The following BCO1 variants were observed in gnomAD, a reference collection of about 807,000 sequenced individuals.
BCO1 encodes the protein beta,beta-carotene 15,15'-dioxygenase.
Under a neutral mutation model 56.3 loss-of-function variants are expected in BCO1, and 54 were observed. That is an observed-to-expected ratio of 0.96 (90% CI 0.77 to 1.20). The LOEUF (loss-of-function observed/expected upper bound fraction) is 1.20, where lower values mean the gene tolerates loss of function less well. Ranked by LOEUF, BCO1 falls within the 50% of genes most tolerant of loss-of-function variation. The probability of loss-of-function intolerance (pLI) is 0.00; values close to 1 mark genes in which losing one functional copy is unlikely to be tolerated. For missense variants in BCO1, 801 were observed against 690.9 expected, an observed-to-expected ratio of 1.16 and a Z score of -1.79; for synonymous variants, 318 against 266.1, an observed-to-expected ratio of 1.20 and a Z score of -1.90.
chr16:81,252,456 A>C (rs1262048738), intron 2 of BCO1, among the ~76,000 whole-genome samples: 2 of 152,120 alleles, frequency 1.3e-5, no homozygotes, highest in Non-Finnish European at 2.9e-5. Flanking sequence ...GGGTTTCACC[A>C]TGTTGGTCAG....
rs372403660 is a variant in BCO1 at position 81,249,920 on chromosome 16, T to C, written c.193+4317T>C. 3.1e-4 allele frequency among the ~76,000 whole-genome samples: 47 copies of C among 152,296 alleles called. 1 individual carries two copies. The South Asian group carries it at 7.7e-3, about 25-fold the overall frequency. ...TGCCTGAATTGTGGTGTCTTCATCA[T>C]CTAGCATGGGGCCTGGCCCAGAGGG... On this transcript the variant is annotated intron_variant, in intron 2 of 10. Transcript: ENST00000258168.
intron 2 of BCO1, 43 bp from the exon 3 acceptor site, chr16:81,259,633 G>C (rs1284412845): frequency 6.2e-7 from 1 of 1,614,006 alleles, no homozygotes; most frequent in Non-Finnish European, 8.5e-7. Flanking sequence ...TTAAAGCCCT[G>C]TGAAGGCGTC....
Position 81,281,994 on chromosome 16 carries a change from A to C in BCO1, c.1207+1032A>C, listed in dbSNP as rs180813045. 2.5e-3 allele frequency among the ~76,000 whole-genome samples: 378 copies of C among 152,372 alleles called. 1 individual carries two copies. Among genetic ancestry groups the C allele is most frequent in the African/African-American group, 8.5e-3 (353 of 41,598 alleles). On this transcript the variant is annotated intron_variant, in intron 8 of 10. Transcript: ENST00000258168. ...AGCAGCACATGACACAAAGGCTGGC[A>C]TAGAGAGGTCTGTGTTCCATACGCC...
chr16:81,255,326 C>G (rs1370305953), intron 2 of BCO1, among the ~76,000 whole-genome samples: 1 of 152,152 alleles, frequency 6.6e-6, no homozygotes, highest in East Asian at 1.9e-4. Context: ...TGGCTTAACA[C>G]AAGCTGCTTA....
chr16:81,248,128 G>A (rs897722365), intron 2 of BCO1, among the ~76,000 whole-genome samples: 4 of 152,026 alleles, frequency 2.6e-5, no homozygotes, highest in Non-Finnish European at 5.9e-5. Flanking sequence ...CTGGCCAGTC[G>A]CGATGGCTCA....
chr16:81,287,507 G>C (rs916452514), intron 10 of BCO1, 101 bp downstream of exon 10: 4 of 896,792 alleles, frequency 4.5e-6, no homozygotes, highest in Admixed American at 1.9e-5. Context: ...AGGTCATAAA[G>C]GGGGTGGATT....
At position 81,270,157 on chromosome 16, in the gene BCO1, A is replaced by G; in HGVS notation, c.844-2A>G. The G allele has an allele frequency of 6.2e-7, 1 of 1,614,094 alleles. No individual in the cohort carries two copies. Among genetic ancestry groups the G allele is most frequent in the African/African-American group, 1.3e-5 (1 of 75,022 alleles). On this transcript the variant is annotated splice_acceptor_variant, in intron 6 of 10. Coordinates refer to ENST00000258168, the MANE Select transcript of BCO1 (RefSeq NM_017429.3). LOFTEE classifies it high-confidence loss of function. ...GAGCCCTTGATATGTGTCCTTTTTC[A>G]GACTTATATCCACATCATCGACCAA...
In BCO1 at chr16:81,264,631, A is replaced by G. The variant is rs375362122; in HGVS notation, c.472-9A>G. On this transcript the variant is annotated splice_polypyrimidine_tract_variant and intron_variant, in intron 4 of 10. Transcript: ENST00000258168. ...TACTTTAAAAAACAGGAGGTGTCAT[A>G]TCTTGCAGGTTGATTATCGTAAATA... 13 of 1,613,844 alleles carry G rather than the reference A, an allele frequency of 8.1e-6. No homozygotes were observed. Among genetic ancestry groups the G allele is most frequent in the Non-Finnish European group, 1.1e-5 (13 of 1,179,796 alleles).
At chr16:81,279,242 G>C (rs920846260) in intron 7 of BCO1, among the ~76,000 whole-genome samples, 10 of 152,268 alleles carry the variant, frequency 6.6e-5, no homozygotes, top group African/African-American at 2.4e-4. Flanking sequence ...TCACACTACT[G>C]TACTCCAGCC....
At chr16:81,254,013 C>T (rs1433500300) in intron 2 of BCO1, among the ~76,000 whole-genome samples, 1 of 152,068 alleles carries the variant, frequency 6.6e-6, no homozygotes, top group African/African-American at 2.4e-5. Context: ...AGTAACCACC[C>T]CTGAAAAGAT....
In BCO1 at chr16:81,245,581, C is replaced by A; in HGVS notation, c.171C>A (p.Leu57=). The A allele has an allele frequency of 6.2e-7, 1 of 1,614,190 alleles. No individual in the cohort carries two copies. Among genetic ancestry groups the A allele is most frequent in the Non-Finnish European group, 8.5e-7 (1 of 1,180,020 alleles). ...YNHWFDGLAL[L]HSFTIRDGEV... is the part of the protein sequence containing the mutation. The stretch of plus-strand genomic sequence containing the variant: ...ATTGGTTCGACGGCCTTGCCCTGCT[C>A]CACAGCTTCACCATCAGAGACGGTG... The change falls in exon 2 of 11, where the codon CTC becomes CTA. Residue 57 remains leucine (L), a synonymous_variant. Transcript: ENST00000258168.
At chr16:81,257,358 G>C (rs1042568973) in intron 2 of BCO1, among the ~76,000 whole-genome samples, 68 of 152,090 alleles carry the variant, frequency 4.5e-4, no homozygotes, top group African/African-American at 1.4e-3. Flanking sequence ...TCTGCCTCTT[G>C]GGTTCAGGCA....
intron 2 of BCO1, among the ~76,000 whole-genome samples, chr16:81,252,482 C>G (rs1402028645): frequency 6.6e-6 from 1 of 152,196 alleles, no homozygotes; most frequent in Non-Finnish European, 1.5e-5. Flanking sequence ...TCTTGAACTC[C>G]TGACCTCAGG....
chr16:81,266,025 C>T lies in BCO1; in HGVS notation c.619+1238C>T, dbSNP rs113474228. On this transcript the variant is annotated intron_variant, in intron 5 of 10. Transcript: ENST00000258168. ...TCCACCGATTCATGCATGCACCCAC[C>T]CACCCACCTATCGATTCATCCTTCC... 1.2e-3 allele frequency among the ~76,000 whole-genome samples: 186 copies of T among 151,854 alleles called. 1 individual carries two copies. The highest frequency in any genetic ancestry group is 4.2e-3 in the African/African-American group (175 of 41,564).
At chr16:81,257,107 ATATTGCAGTCAAATTCTACTCATCCTT>A (rs1906188165) in intron 2 of BCO1, among the ~76,000 whole-genome samples, 1 of 152,068 alleles carries the variant, frequency 6.6e-6, no homozygotes, top group Admixed American at 6.6e-5. Flanking sequence ...TCTCCCCAGC[ATATTGCAGTCAAATTCTACTCATCCTT>A]TAAGAGCTGT....
intron 2 of BCO1, among the ~76,000 whole-genome samples, chr16:81,250,236 C>T (rs757592718): frequency 2.0e-5 from 3 of 152,130 alleles, no homozygotes; most frequent in Admixed American, 6.6e-5. Flanking sequence ...CAGACATAGA[C>T]GCAATACTCT....
chr16:81,256,570 C>G (rs1050170112), intron 2 of BCO1, among the ~76,000 whole-genome samples: 2 of 152,144 alleles, frequency 1.3e-5, no homozygotes, highest in African/African-American at 4.8e-5. Flanking sequence ...AGGCCCCTCC[C>G]CGAGGTTTCA....
At chr16:81,269,937 T>C (rs896218104) in intron 6 of BCO1, among the ~76,000 whole-genome samples, 2 of 152,196 alleles carry the variant, frequency 1.3e-5, no homozygotes, top group African/African-American at 4.8e-5. Context: ...AAAGCATCCC[T>C]CCTCTCCATC....
intron 7 of BCO1, among the ~76,000 whole-genome samples, chr16:81,271,112 A>AT (rs778503897): frequency 0.062 from 6,914 of 111,174 alleles, 583 homozygotes; most frequent in African/African-American, 0.18. Flanking sequence ...CCTTTTATTT[A>AT]TTTTTTTTTT....
Sources: gnomAD v4.1 joint callset for allele counts (sites outside exome capture counted in the v4.1 genomes callset) on GRCh38, gnomAD v4.1.1 for gene constraint, MANE v1.5 for transcripts, NCBI Gene and HGNC (gene_info 2026-07-23, HGNC 2026-07-21) for gene names.